Variants in SGCZ observed in about 807,000 individuals in gnomAD.
SGCZ encodes the protein sarcoglycan zeta.
Under a neutral mutation model 41.3 loss-of-function variants are expected in SGCZ, and 40 were observed. The observed-to-expected ratio is 0.97, with a 90% CI of 0.75 to 1.26. The LOEUF (loss-of-function observed/expected upper bound fraction) is 1.26. Among genes scored for constraint, SGCZ ranks in the 50% most tolerant of loss-of-function variants. The probability of loss-of-function intolerance (pLI) is 0.00; values close to 1 mark genes in which losing one functional copy is unlikely to be tolerated. For synonymous variants in SGCZ, 206 were observed against 137.5 expected, an observed-to-expected ratio of 1.50 and a Z score of -3.49; for missense variants, 552 against 369.8, an observed-to-expected ratio of 1.49 and a Z score of -4.04.
At chr8:14,764,974 T>G (rs1799996450) in intron 1 of SGCZ, among the ~76,000 whole-genome samples, 1 of 152,202 alleles carries the variant, frequency 6.6e-6, no homozygotes, top group Non-Finnish European at 1.5e-5. Context: ...TGTTGTACTA[T>G]TCTTTTAACT....
intron 1 of SGCZ, among the ~76,000 whole-genome samples, chr8:14,993,133 T>C (rs1178635943): frequency 2.6e-5 from 4 of 152,182 alleles, no homozygotes; most frequent in African/African-American, 9.7e-5. Context: ...ATAAAATAGC[T>C]CTTGAATCCA....
chr8:14,856,738 G>A (rs1048089700), intron 1 of SGCZ, among the ~76,000 whole-genome samples: 1 of 152,122 alleles, frequency 6.6e-6, no homozygotes, highest in African/African-American at 2.4e-5. Context: ...AGCTCCCTAG[G>A]TAATTCTGAA....
chr8:14,870,357 A>G (rs1804103332), intron 1 of SGCZ, among the ~76,000 whole-genome samples: 1 of 152,140 alleles, frequency 6.6e-6, no homozygotes, highest in Admixed American at 6.5e-5. Context: ...AGTTTAATAA[A>G]TGTGGTTGGG....
intron 2 of SGCZ, among the ~76,000 whole-genome samples, chr8:14,551,276 A>C (rs1269873582): frequency 6.9e-6 from 1 of 144,382 alleles, no homozygotes; most frequent in Non-Finnish European, 1.5e-5. Context: ...GACGCTAGAA[A>C]AGAATACTGC....
intron 2 of SGCZ, among the ~76,000 whole-genome samples, chr8:14,356,975 G>A (rs2117119549): frequency 6.6e-6 from 1 of 151,880 alleles, no homozygotes; most frequent in Non-Finnish European, 1.5e-5. Flanking sequence ...AAAACACTCA[G>A]AAACACAATA....
chr8:14,291,485 T>C (rs975209306), intron 3 of SGCZ, among the ~76,000 whole-genome samples: 14 of 152,010 alleles, frequency 9.2e-5, no homozygotes, highest in Non-Finnish European at 2.1e-4. Context: ...TTGTGCACTT[T>C]TATGCTGGTA....
At chr8:14,385,920 T>G (rs1462370902) in intron 2 of SGCZ, among the ~76,000 whole-genome samples, 1 of 152,210 alleles carries the variant, frequency 6.6e-6, no homozygotes, top group African/African-American at 2.4e-5. Flanking sequence ...GCAAATAACC[T>G]ACACATATCC....
At chr8:14,504,118 T>C (rs1299603162) in intron 2 of SGCZ, among the ~76,000 whole-genome samples, 1 of 152,208 alleles carries the variant, frequency 6.6e-6, no homozygotes, top group Non-Finnish European at 1.5e-5. Flanking sequence ...TTTTATTTCA[T>C]GACTGATGAC....
At chr8:14,858,087 T>C (rs907414011) in intron 1 of SGCZ, among the ~76,000 whole-genome samples, 1 of 152,140 alleles carries the variant, frequency 6.6e-6, no homozygotes, top group Non-Finnish European at 1.5e-5. Context: ...TAAACCTTAT[T>C]AACTGATCTC....
chr8:14,196,008 T>C (rs1805255990), intron 4 of SGCZ, among the ~76,000 whole-genome samples: 1 of 152,118 alleles, frequency 6.6e-6, no homozygotes. Flanking sequence ...TTCTTATTAT[T>C]TAATCTATTT....
At chr8:14,258,227 G>A (rs1037648204) in intron 3 of SGCZ, among the ~76,000 whole-genome samples, 3 of 111,862 alleles carry the variant, frequency 2.7e-5, no homozygotes, top group African/African-American at 8.4e-5. Context: ...CCCCATGTAT[G>A]AAGATTATAA....
intron 1 of SGCZ, among the ~76,000 whole-genome samples, chr8:15,064,064 C>A (rs1417941957): frequency 6.6e-6 from 1 of 152,132 alleles, no homozygotes; most frequent in Non-Finnish European, 1.5e-5. Context: ...TTTTGGGTTT[C>A]TTTCAGTGCT....
chr8:15,014,432 T>C (rs1246618143), intron 1 of SGCZ, among the ~76,000 whole-genome samples: 2 of 152,238 alleles, frequency 1.3e-5, no homozygotes, highest in Admixed American at 6.5e-5. Context: ...TCTTTGTAAA[T>C]GAAGGCTGGT....
At chr8:14,283,684 G>A (rs1329853934) in intron 3 of SGCZ, among the ~76,000 whole-genome samples, 3 of 152,032 alleles carry the variant, frequency 2.0e-5, no homozygotes, top group Non-Finnish European at 4.4e-5. Context: ...TACAGTGATC[G>A]AACATGAGTC....
At chr8:14,999,098 T>G (rs1396028420) in intron 1 of SGCZ, among the ~76,000 whole-genome samples, 1 of 152,228 alleles carries the variant, frequency 6.6e-6, no homozygotes, top group Non-Finnish European at 1.5e-5. Flanking sequence ...TATCTCTTAC[T>G]GATTCTGACT....
intron 1 of SGCZ, among the ~76,000 whole-genome samples, chr8:14,566,809 G>A (rs530475436): frequency 3.4e-4 from 52 of 152,328 alleles, no homozygotes; most frequent in African/African-American, 9.6e-4. Flanking sequence ...CTCAGCTTGC[G>A]GGGAGGTGTG....
intron 1 of SGCZ, among the ~76,000 whole-genome samples, chr8:14,709,264 T>C (rs1183974868): frequency 6.6e-6 from 1 of 152,202 alleles, no homozygotes; most frequent in Non-Finnish European, 1.5e-5. Flanking sequence ...GATAACAAAT[T>C]TGATCTTCGT....
At position 14,424,162 on chromosome 8, in the gene SGCZ, A is replaced by G. The variant is rs561232856; in HGVS notation, c.235-99958T>C. Reference sequence around the variant, plus strand: ...GTGTGAAACATTGAAGCTCATTACAAAGTTGAGAAAAATAAGCTGTGAAGT... The same window carrying G: ...GTGTGAAACATTGAAGCTCATTACAGAGTTGAGAAAAATAAGCTGTGAAGT... On this transcript the variant is annotated intron_variant, in intron 2 of 7. Coordinates refer to ENST00000382080, the MANE Select transcript of SGCZ (RefSeq NM_139167.4). 1.3e-5 allele frequency among the ~76,000 whole-genome samples: 2 copies of G among 152,318 alleles called. 1 individual carries two copies. Among genetic ancestry groups the G allele is most frequent in the South Asian group, 4.1e-4 (2 of 4,824 alleles).
intron 1 of SGCZ, among the ~76,000 whole-genome samples, chr8:15,108,404 A>G (rs1806914977): frequency 6.6e-6 from 1 of 152,176 alleles, no homozygotes; most frequent in Non-Finnish European, 1.5e-5. Context: ...AAATATCTTT[A>G]CACACCTGTA....
Sources: gnomAD v4.1 joint callset for allele counts (sites outside exome capture counted in the v4.1 genomes callset) on GRCh38, gnomAD v4.1.1 for gene constraint, MANE v1.5 for transcripts, NCBI Gene and HGNC (gene_info 2026-07-23, HGNC 2026-07-21) for gene names.